Variants in AHCTF1 observed in about 807,000 individuals in gnomAD.
AHCTF1 encodes protein ELYS.
Under a neutral mutation model 248.4 loss-of-function variants are expected in AHCTF1, and 24 were observed. That is an observed-to-expected ratio of 0.10 (90% CI 0.07 to 0.14). The LOEUF (loss-of-function observed/expected upper bound fraction) is 0.14, where lower values mean the gene tolerates loss of function less well. AHCTF1 is among the 10% of genes least tolerant of loss of function. AHCTF1 has a pLI of 1.00. For synonymous variants in AHCTF1, 786 were observed against 929.8 expected, an observed-to-expected ratio of 0.85 and a Z score of 2.81; for missense variants, 2,206 against 2,636.2, an observed-to-expected ratio of 0.84 and a Z score of 3.57.
At chr1:246,860,296 A>C (rs1374042455) in intron 29 of AHCTF1, among the ~76,000 whole-genome samples, 1 of 152,068 alleles carries the variant, frequency 6.6e-6, no homozygotes, top group Non-Finnish European at 1.5e-5. Context: ...AATTGCAATA[A>C]TTTGTTCTGT....
intron 23 of AHCTF1, 21 bp from the exon 24 acceptor site, chr1:246,876,208 T>TA (rs758784240): frequency 5.2e-6 from 8 of 1,545,452 alleles, no homozygotes; most frequent in East Asian, 4.6e-5. Flanking sequence ...TCAAAATTGG[T>TA]AAAAAATTTA....
intron 10 of AHCTF1, 45 bp downstream of exon 10, chr1:246,900,020 T>C: frequency 6.6e-7 from 1 of 1,522,620 alleles, no homozygotes. Flanking sequence ...TTACATACTT[T>C]TGTGCATTAC....
rs1432421452 is a variant in AHCTF1 at position 246,842,788 on chromosome 1, A to G, written c.6526-12T>C. The G allele has an allele frequency of 6.2e-7, 1 of 1,607,302 alleles. No individual in the cohort carries two copies. Among genetic ancestry groups the G allele is most frequent in the Non-Finnish European group, 8.5e-7 (1 of 1,174,410 alleles). On this transcript the variant is annotated splice_polypyrimidine_tract_variant and intron_variant, in intron 34 of 35. Transcript: ENST00000648844. ...TGTGCATCATCTTTCTATGGGTTAA[A>G]CATTTTAAAAGGTTAAGTATTAAAC...
At chr1:246,867,589 G>C in intron 25 of AHCTF1, 72 bp downstream of exon 25, 2 of 1,539,510 alleles carry the variant, frequency 1.3e-6, no homozygotes, top group Admixed American at 3.7e-5. Flanking sequence ...AGAGTGGATT[G>C]TTGATGAACG....
intron 1 of AHCTF1, among the ~76,000 whole-genome samples, chr1:246,919,072 C>A (rs750506512): frequency 6.6e-6 from 1 of 152,138 alleles, no homozygotes; most frequent in Non-Finnish European, 1.5e-5. Flanking sequence ...AATGACTACT[C>A]CCATTATAAA....
At chr1:246,926,985 T>A (rs146242458) in intron 1 of AHCTF1, among the ~76,000 whole-genome samples, 11 of 151,338 alleles carry the variant, frequency 7.3e-5, no homozygotes, top group Admixed American at 1.3e-4. Context: ...CCATCCTGGC[T>A]AACAAGGTGA....
intron 7 of AHCTF1, 60 bp downstream of exon 7, chr1:246,903,889 A>T (rs1030755228): frequency 1.4e-5 from 18 of 1,242,288 alleles, no homozygotes; most frequent in Non-Finnish European, 2.1e-5. Flanking sequence ...CAAAGACAAC[A>T]TATTTAAAAT....
At chr1:246,884,322 A>C (rs1350333366) in intron 21 of AHCTF1, among the ~76,000 whole-genome samples, 1 of 143,416 alleles carries the variant, frequency 7.0e-6, no homozygotes, top group African/African-American at 2.5e-5. Flanking sequence ...ATCTATTATT[A>C]AACTTCTTTT....
chr1:246,922,914 C>T lies in AHCTF1; in HGVS notation c.-7-4537G>A, dbSNP rs560876836. Among the ~76,000 whole-genome samples the T allele has an allele frequency of 9.1e-3, 1,256 of 137,436 alleles. 15 individuals carry two copies. Among genetic ancestry groups the T allele is most frequent in the African/African-American group, 0.03 (1,104 of 36,654 alleles). The allele number at this position is 137,436 out of a possible 152,430, so 90.2% of individuals were successfully genotyped here. ...AGGAGAATGGCATGAACCCAGGAGGCGGAGTTTGCAGTGAGCCGAGATTGC... is the reference window on the plus strand; with the variant it reads ...AGGAGAATGGCATGAACCCAGGAGGTGGAGTTTGCAGTGAGCCGAGATTGC... On this transcript the variant is annotated intron_variant, in intron 1 of 35. Coordinates refer to ENST00000648844, the MANE Select transcript of AHCTF1 (RefSeq NM_001323342.2).
At chr1:246,872,051 CAA>C (rs753977798) in intron 24 of AHCTF1, among the ~76,000 whole-genome samples, 27 of 83,714 alleles carry the variant, frequency 3.2e-4, no homozygotes, top group African/African-American at 5.9e-4. Flanking sequence ...CTATTAATGA[CAA>C]AAAAAAAAAA....
chr1:246,844,026 A>G (rs549585429), intron 33 of AHCTF1, 98 bp from the exon 34 acceptor site: 1 of 876,256 alleles, frequency 1.1e-6, no homozygotes, highest in South Asian at 5.3e-5. Flanking sequence ...TTTTAGAAAG[A>G]TGCAAACGTC....
In AHCTF1 at chr1:246,855,908, G is replaced by A. The variant is rs1487056814; in HGVS notation, c.4257-81C>T. 7.6e-6 allele frequency: 7 copies of A among 916,652 alleles called. No homozygotes were observed. In the Admixed American group the frequency reaches 1.5e-4, roughly 20 times the overall value. The allele number at this position is 916,652 out of a possible 1,614,324, so 56.8% of individuals were successfully genotyped here. A position where few individuals can be genotyped will look rare whatever the true frequency, so the allele number is the denominator to read the frequency against. On this transcript the variant is annotated intron_variant, in intron 30 of 35. Coordinates refer to ENST00000648844, the MANE Select transcript of AHCTF1 (RefSeq NM_001323342.2). ...CTGCTTTAGTCCTACCACCTAACCT[G>A]TCATTTTGGTGATGTAAACTGAGGT...
In AHCTF1 at chr1:246,887,332, A is replaced by G. The variant is rs748220523; in HGVS notation, c.2351T>C (p.Met784Thr). Reference sequence around the variant, plus strand: ...GTCTGTTTTGTTGGGAAAGGAATACATAATATCAAGTAGCAAATAAATGGT... The same window carrying G: ...GTCTGTTTTGTTGGGAAAGGAATACGTAATATCAAGTAGCAAATAAATGGT... ...SITIYLLLDI[M>T]YSFPNKTDTP... Residue 784 changes from methionine (M) to threonine (T), a missense_variant, in exon 20 of 36, where the codon ATG becomes ACG. Physicochemically the swap from Met to Thr is moderately conservative, Grantham distance 81. This residue lies in a region of AHCTF1 where 650 missense variants were observed against 870.8 expected (regional missense o/e 0.75). Coordinates refer to ENST00000648844, the MANE Select transcript of AHCTF1 (RefSeq NM_001323342.2). 32 of 1,611,354 alleles carry G rather than the reference A, an allele frequency of 2.0e-5. No homozygotes were observed. Among genetic ancestry groups the G allele is most frequent in the Non-Finnish European group, 2.6e-5 (31 of 1,179,126 alleles).
At chr1:246,886,988 TA>T (rs1663862878) in intron 20 of AHCTF1, among the ~76,000 whole-genome samples, 1 of 152,202 alleles carries the variant, frequency 6.6e-6, no homozygotes, top group Non-Finnish European at 1.5e-5. Context: ...ATTACTTACT[TA>T]TTAGTTTCCT....
chr1:246,916,506 T>C (rs1666158095), intron 2 of AHCTF1, 111 bp from the exon 3 acceptor site: 1 of 931,658 alleles, frequency 1.1e-6, no homozygotes, highest in Admixed American at 2.7e-5. Flanking sequence ...CTTTACATAT[T>C]ATCTCCACAT....
At chr1:246,897,489 G>A (rs1005891184) in intron 12 of AHCTF1, among the ~76,000 whole-genome samples, 2 of 152,100 alleles carry the variant, frequency 1.3e-5, no homozygotes, top group African/African-American at 4.8e-5. Context: ...TGTTTCGTTA[G>A]GTGTTTCATT....
chr1:246,846,974 G>A (rs1252910447), intron 33 of AHCTF1, among the ~76,000 whole-genome samples: 1 of 151,962 alleles, frequency 6.6e-6, no homozygotes, highest in African/African-American at 2.4e-5. Flanking sequence ...CAGGCTGGTT[G>A]GATTTTGAAG....
chr1:246,864,314 T>C (rs960683419), intron 26 of AHCTF1, 198 bp from the exon 27 acceptor site: 2 of 516,550 alleles, frequency 3.9e-6, no homozygotes, highest in Non-Finnish European at 6.6e-6. Context: ...AATTAAGAAC[T>C]GCACATAGCA....
chr1:246,917,412 C>A (rs1666222941), intron 2 of AHCTF1, among the ~76,000 whole-genome samples: 1 of 152,110 alleles, frequency 6.6e-6, no homozygotes, highest in Admixed American at 6.6e-5. Flanking sequence ...CTAAGGGAGG[C>A]CACAGTTTAA....
Sources: allele counts gnomAD v4.1 joint callset (sites outside exome capture counted in the v4.1 genomes callset), GRCh38; gene constraint gnomAD v4.1.1; regional missense constraint gnomAD v4.1.1; transcripts MANE v1.5; gene names NCBI Gene and HGNC (gene_info 2026-07-23, HGNC 2026-07-21).